Variants in LINGO2 observed in about 807,000 individuals in gnomAD.
LINGO2 encodes the protein leucine-rich repeat and immunoglobulin-like domain-containing nogo receptor-interacting protein 2.
Under a neutral mutation model 30.6 loss-of-function variants are expected in LINGO2, and 14 were observed. That is an observed-to-expected ratio of 0.46 (90% CI 0.30 to 0.72). The LOEUF is 0.72. Among genes scored for constraint, LINGO2 ranks in the 30% least tolerant of loss-of-function variants. The pLI is 0.07. For synonymous variants in LINGO2, 317 were observed against 288.5 expected, an observed-to-expected ratio of 1.10 and a Z score of -1.00; for missense variants, 729 against 751.7, an observed-to-expected ratio of 0.97 and a Z score of 0.35.
intron 4 of LINGO2, among the ~76,000 whole-genome samples, chr9:28,184,513 T>C (rs918267244): frequency 5.4e-5 from 8 of 147,924 alleles, no homozygotes; most frequent in African/African-American, 2.5e-5. Flanking sequence ...TGGACAAGTA[T>C]GGTTAATAAA....
the LINGO2 span, among the ~76,000 whole-genome samples, chr9:28,860,316 A>G: frequency 3.3e-5 from 5 of 152,094 alleles, no homozygotes; most frequent in African/African-American, 9.7e-5. Flanking sequence ...CAAAATTGGT[A>G]CCCTTTGAAA....
chr9:28,980,213 T>C, the LINGO2 span, among the ~76,000 whole-genome samples: 1 of 152,068 alleles, frequency 6.6e-6, no homozygotes, highest in African/African-American at 2.4e-5. Context: ...GAATCTTCTC[T>C]CCAGCTTCAT....
the LINGO2 span, among the ~76,000 whole-genome samples, chr9:28,836,565 C>A: frequency 1.3e-5 from 2 of 152,144 alleles, no homozygotes; most frequent in Non-Finnish European, 2.9e-5. Flanking sequence ...ATCCACCCGC[C>A]TCAACTTCCC....
At chr9:28,010,855 C>T (rs532732009) in intron 5 of LINGO2, among the ~76,000 whole-genome samples, 4 of 152,178 alleles carry the variant, frequency 2.6e-5, no homozygotes, top group East Asian at 1.9e-4. Flanking sequence ...CTGGGGAGGC[C>T]GAGGTGGAAG....
At chr9:28,706,776 C>T in the LINGO2 span, among the ~76,000 whole-genome samples, 1 of 152,064 alleles carries the variant, frequency 6.6e-6, no homozygotes, top group Non-Finnish European at 1.5e-5. Flanking sequence ...ACTCATCCAC[C>T]ATATTTTGAC....
intron 4 of LINGO2, among the ~76,000 whole-genome samples, chr9:28,065,138 GC>G (rs986854935): frequency 2.5e-4 from 38 of 151,746 alleles, no homozygotes; most frequent in African/African-American, 8.9e-4. Flanking sequence ...GACGTGGCTT[GC>G]TTTGGAGTGG....
the LINGO2 span, among the ~76,000 whole-genome samples, chr9:28,896,001 T>C: frequency 6.6e-6 from 1 of 152,142 alleles, no homozygotes; most frequent in Middle Eastern, 3.4e-3. Context: ...AAAATCACAG[T>C]AGTTAATGAC....
chr9:28,096,375 T>C (rs762356158), intron 4 of LINGO2, among the ~76,000 whole-genome samples: 11 of 152,222 alleles, frequency 7.2e-5, no homozygotes, highest in Non-Finnish European at 1.5e-4. Context: ...TTATTCATTT[T>C]AATTTATGGT....
At chr9:29,092,890 T>C in the LINGO2 span, among the ~76,000 whole-genome samples, 2 of 136,368 alleles carry the variant, frequency 1.5e-5, no homozygotes, top group African/African-American at 5.5e-5. Context: ...AAGATGTTTA[T>C]TTTTATATTA....
At chr9:28,294,551 A>G (rs79604455) in intron 4 of LINGO2, among the ~76,000 whole-genome samples, 4,165 of 152,224 alleles carry the variant, frequency 0.027, 174 homozygotes, top group African/African-American at 0.095. Context: ...TTAAAGAGAG[A>G]GATAAGAAGA....
At chr9:29,188,556 GTCA>G in the LINGO2 span, among the ~76,000 whole-genome samples, 1 of 152,132 alleles carries the variant, frequency 6.6e-6, no homozygotes, top group Admixed American at 6.5e-5. Context: ...AACCGCCATT[GTCA>G]TCATGGCCCG....
the LINGO2 span, among the ~76,000 whole-genome samples, chr9:28,932,030 C>A: frequency 2.0e-5 from 3 of 151,382 alleles, no homozygotes; most frequent in Non-Finnish European, 4.4e-5. Flanking sequence ...ATCGCCTGAA[C>A]CGGGAGGCGA....
chr9:28,463,432 G>T (rs1023851228), intron 2 of LINGO2, among the ~76,000 whole-genome samples: 4 of 151,986 alleles, frequency 2.6e-5, no homozygotes, highest in Non-Finnish European at 5.9e-5. Flanking sequence ...AATGAGAAAA[G>T]TGTTCACCTG....
At chr9:28,013,010 C>T (rs1304782660) in intron 4 of LINGO2, among the ~76,000 whole-genome samples, 1 of 151,960 alleles carries the variant, frequency 6.6e-6, no homozygotes, top group Non-Finnish European at 1.5e-5. Context: ...TTTCTAACAA[C>T]TTCTCCAGTA....
chr9:28,262,464 A>G (rs182970788), intron 4 of LINGO2, among the ~76,000 whole-genome samples: 3 of 152,058 alleles, frequency 2.0e-5, no homozygotes, highest in Admixed American at 2.0e-4. Context: ...AATGGACAAA[A>G]AAGCCAGATT....
At chr9:28,132,314 G>A (rs1021078113) in intron 4 of LINGO2, among the ~76,000 whole-genome samples, 1 of 151,884 alleles carries the variant, frequency 6.6e-6, no homozygotes, top group Non-Finnish European at 1.5e-5. Flanking sequence ...TATAAATTGA[G>A]TTATACCCAT....
chr9:28,561,430 C>T (rs1563825863), intron 1 of LINGO2, among the ~76,000 whole-genome samples: 2 of 151,410 alleles, frequency 1.3e-5, no homozygotes. Context: ...GTAGGAGAAC[C>T]TCTGATAGTT....
At chr9:27,971,059 T>C (rs1307029580) in intron 5 of LINGO2, among the ~76,000 whole-genome samples, 4 of 151,960 alleles carry the variant, frequency 2.6e-5, no homozygotes, top group Admixed American at 2.0e-4. Flanking sequence ...AGAAAGCCCC[T>C]AGCAAATGGT....
chr9:28,869,260 C>T, the LINGO2 span, among the ~76,000 whole-genome samples: 1 of 151,998 alleles, frequency 6.6e-6, no homozygotes, highest in Non-Finnish European at 1.5e-5. Flanking sequence ...GGTAAACTGA[C>T]AAATCTGCAA....
Sources: allele counts gnomAD v4.1 joint callset (sites outside exome capture counted in the v4.1 genomes callset), GRCh38; gene constraint gnomAD v4.1.1; transcripts MANE v1.5; gene names NCBI Gene and HGNC (gene_info 2026-07-23, HGNC 2026-07-21).